PCDHA4: variants seen among roughly 807,000 people sequenced by gnomAD.
PCDHA4 encodes the protein protocadherin alpha-4.
A neutral mutation model predicts 61.4 loss-of-function variants in PCDHA4; 49 were observed. The ratio of observed to expected loss-of-function variants is 0.80; its 90% CI spans 0.63 to 1.01. The LOEUF (loss-of-function observed/expected upper bound fraction) is 1.01. Ranked by LOEUF, PCDHA4 falls within the 50% of genes least tolerant of loss-of-function variation. PCDHA4 has a pLI of 0.00. For missense variants in PCDHA4, 1,254 were observed against 1,235.8 expected, an observed-to-expected ratio of 1.01 and a Z score of -0.22; for synonymous variants, 590 against 550.3, an observed-to-expected ratio of 1.07 and a Z score of -1.01.
intron 1 of PCDHA4, among the ~76,000 whole-genome samples, chr5:140,925,671 A>AATAATAATAATG (rs1445697337): frequency 4.7e-4 from 69 of 148,180 alleles, no homozygotes; most frequent in African/African-American, 1.7e-3. Flanking sequence ...TAATAATAAT[A>AATAATAATAATG]ATAATAAAGC....
chr5:141,003,291 G>C (rs1402781511), intron 3 of PCDHA4, among the ~76,000 whole-genome samples: 1 of 152,158 alleles, frequency 6.6e-6, no homozygotes, highest in Non-Finnish European at 1.5e-5. Flanking sequence ...TGGATTATAG[G>C]ATTACATGAA....
In PCDHA4 at chr5:140,928,040, GC is replaced by G. The variant is rs782389793; in HGVS notation, c.2386-50906del. The G allele has an allele frequency of 2.1e-4, 337 of 1,614,060 alleles. 1 individual carries two copies. Among genetic ancestry groups the G allele is most frequent in the Non-Finnish European group, 2.6e-4 (309 of 1,180,038 alleles). ...GTCATTTGTGGCATGTCTAGTGCAG[GC>G]CCTTTTCAGCTGACGGCTTCCTTTG... is the stretch of plus-strand genomic sequence containing the variant. On this transcript the variant is annotated intron_variant, in intron 1 of 3. Coordinates refer to ENST00000530339, the MANE Select transcript of PCDHA4 (RefSeq NM_018907.4).
At chr5:140,958,294 A>G (rs1324756311) in intron 1 of PCDHA4, among the ~76,000 whole-genome samples, 1 of 152,142 alleles carries the variant, frequency 6.6e-6, no homozygotes, top group African/African-American at 2.4e-5. Context: ...ATATTATTGA[A>G]CTTAATTAAA....
chr5:140,866,976 C>T (rs2049689450), intron 1 of PCDHA4: 2 of 152,224 alleles, frequency 1.3e-5, no homozygotes, highest in East Asian at 1.9e-4. Context: ...TCTGAAATAT[C>T]ACAGCCAAAA....
intron 1 of PCDHA4, among the ~76,000 whole-genome samples, chr5:140,915,232 C>A (rs1554196813): frequency 1.3e-5 from 2 of 152,274 alleles, no homozygotes; most frequent in Admixed American, 6.5e-5. Flanking sequence ...CAGGCATGAG[C>A]CACCATGCCT....
intron 1 of PCDHA4, chr5:140,842,497 T>A: frequency 6.2e-7 from 1 of 1,613,888 alleles, no homozygotes; most frequent in East Asian, 2.2e-5. Context: ...TGATGCCCCA[T>A]GTCCCCTTCA....
chr5:140,884,450 AC>A, intron 1 of PCDHA4: 1 of 1,613,762 alleles, frequency 6.2e-7, no homozygotes, highest in Non-Finnish European at 8.5e-7. Context: ...GGCACCGCCC[AC>A]CGAGGGCGCG....
intron 1 of PCDHA4, among the ~76,000 whole-genome samples, chr5:140,911,106 G>T (rs192768876): frequency 6.6e-6 from 1 of 152,214 alleles, no homozygotes; most frequent in Non-Finnish European, 1.5e-5. Flanking sequence ...TGCCTCAGGG[G>T]AAGCCATCAC....
At chr5:140,842,429 G>A (rs2150335893) in intron 1 of PCDHA4, 3 of 1,613,436 alleles carry the variant, frequency 1.9e-6, no homozygotes, top group Non-Finnish European at 1.7e-6. Flanking sequence ...TACTGTCATC[G>A]CCCTAATTAG....
intron 1 of PCDHA4, among the ~76,000 whole-genome samples, chr5:140,886,628 C>T (rs1305924545): frequency 6.6e-6 from 1 of 151,764 alleles, no homozygotes; most frequent in African/African-American, 2.4e-5. Context: ...GAGTCCGAGA[C>T]CAGCCTGGCC....
At chr5:140,824,409 A>G (rs1472430653) in intron 1 of PCDHA4, 3 of 535,638 alleles carry the variant, frequency 5.6e-6, no homozygotes, top group Non-Finnish European at 9.8e-6. Context: ...ATTGTAAGAC[A>G]TAGTTTGGAG....
At chr5:140,834,808 T>C in intron 1 of PCDHA4, 1 of 1,612,578 alleles carries the variant, frequency 6.2e-7, no homozygotes, top group Non-Finnish European at 8.5e-7. Flanking sequence ...AATCTGTTCA[T>C]CGCGGAATCC....
In PCDHA4 at chr5:140,829,825, C is replaced by G. The variant is rs2150175451; in HGVS notation, c.2385+20253C>G. 1.2e-5 allele frequency: 19 copies of G among 1,613,864 alleles called. 1 individual carries two copies. In the South Asian group the frequency reaches 2.0e-4, roughly 17 times the overall value. ...TGGGTGGTACTGGTGGTGCAGTGAG[C>G]GAGCTGGTGCCGCGGTCACTGGGTG... On this transcript the variant is annotated intron_variant, in intron 1 of 3. Transcript: ENST00000530339.
At chr5:140,961,690 C>T (rs573918307) in intron 1 of PCDHA4, among the ~76,000 whole-genome samples, 2 of 152,154 alleles carry the variant, frequency 1.3e-5, no homozygotes, top group African/African-American at 4.8e-5. Context: ...CGGAGTAGTC[C>T]TTAGTATGAA....
chr5:140,957,555 A>G (rs911734380), intron 1 of PCDHA4, among the ~76,000 whole-genome samples: 4 of 152,120 alleles, frequency 2.6e-5, no homozygotes, highest in Admixed American at 2.6e-4. Flanking sequence ...TTCTCTGTGG[A>G]AAAGGAGGGA....
chr5:140,915,876 G>A (rs1373834228), intron 1 of PCDHA4, among the ~76,000 whole-genome samples: 1 of 152,136 alleles, frequency 6.6e-6, no homozygotes, highest in East Asian at 1.9e-4. Context: ...CTTCCCTTTA[G>A]GGTAGCAAGT....
Position 140,982,458 on chromosome 5 carries a change from T to C in PCDHA4, c.2445-17T>C, listed in dbSNP as rs1554244201. 1 of 1,613,996 alleles carries C rather than the reference T, an allele frequency of 6.2e-7. No homozygotes were observed. Among genetic ancestry groups the C allele is most frequent in the Non-Finnish European group, 8.5e-7 (1 of 1,179,964 alleles). ...ATTTATGATCTAACCGTTATCTGGG[T>C]CTGTGTGTTTATTCAGCTCTGTGCA... On this transcript the variant is annotated splice_polypyrimidine_tract_variant and intron_variant, in intron 2 of 3. Transcript: ENST00000530339.
chr5:140,923,206 A>G (rs2081227659), intron 1 of PCDHA4, among the ~76,000 whole-genome samples: 1 of 152,172 alleles, frequency 6.6e-6, no homozygotes, highest in South Asian at 2.1e-4. Flanking sequence ...TTGGGAGGCT[A>G]AGGTGAAAGG....
intron 3 of PCDHA4, among the ~76,000 whole-genome samples, chr5:141,006,959 A>G (rs2098296620): frequency 6.6e-6 from 1 of 152,142 alleles, no homozygotes; most frequent in East Asian, 1.9e-4. Context: ...GTTATACATG[A>G]GATTGGAGCA....
Sources: allele counts gnomAD v4.1 joint callset (sites outside exome capture counted in the v4.1 genomes callset), GRCh38; gene constraint gnomAD v4.1.1; transcripts MANE v1.5; gene names NCBI Gene and HGNC (gene_info 2026-07-23, HGNC 2026-07-21).